DST: variants seen among roughly 807,000 people sequenced by gnomAD.
DST encodes the protein bullous pemphigoid antigen.
A neutral mutation model predicts 875.2 loss-of-function variants in DST; 253 were observed. The ratio of observed to expected loss-of-function variants is 0.29; its 90% CI spans 0.26 to 0.32. The LOEUF (loss-of-function observed/expected upper bound fraction) is 0.32. Among genes scored for constraint, DST ranks in the 10% least tolerant of loss-of-function variants. DST has a pLI of 1.00. For missense variants in DST, 8,287 were observed against 9,111.6 expected, an observed-to-expected ratio of 0.91 and a Z score of 3.68; for synonymous variants, 3,124 against 3,197.1, an observed-to-expected ratio of 0.98 and a Z score of 0.77.
chr6:56,639,006 G>T, intron 22 of DST: 1 of 546,502 alleles, frequency 1.8e-6, no homozygotes, highest in Admixed American at 3.1e-5. Context: ...CACAGAGAAG[G>T]TACTTCATAT....
In DST at chr6:56,605,816, T is replaced by G. The variant is rs960686718; in HGVS notation, c.8812A>C (p.Ser2938Arg). Residue 2938 changes from serine (S) to arginine (R), a missense_variant, in exon 40 of 104, where the codon AGT (serine) becomes CGT (arginine). By Grantham distance (110) the Ser-to-Arg change is moderately radical. Coordinates refer to ENST00000680361, the MANE Select transcript of DST (RefSeq NM_001374736.1). Reference sequence around the variant, plus strand: ...ATATTATTATTATCATGTGAAATACTTGCAGGGCCAAAAGTTTTTTCAGAT... The same window carrying G: ...ATATTATTATTATCATGTGAAATACGTGCAGGGCCAAAAGTTTTTTCAGAT... The part of the protein sequence containing the change: ...TESEKTFGPA[S>R]ISHDNNNISS... The G allele has an allele frequency of 1.9e-6, 3 of 1,612,524 alleles. No homozygotes were observed. In the African/African-American group the frequency reaches 4.0e-5, roughly 22 times the overall value.
At chr6:56,717,045 T>C (rs1214737124) in intron 5 of DST, among the ~76,000 whole-genome samples, 1 of 151,870 alleles carries the variant, frequency 6.6e-6, no homozygotes, top group Non-Finnish European at 1.5e-5. Flanking sequence ...TAGCTGGGCG[T>C]GGTAGCAGGC....
chr6:56,932,566 T>A (rs1367450954), intron 2 of DST, among the ~76,000 whole-genome samples: 1 of 152,186 alleles, frequency 6.6e-6, no homozygotes, highest in Non-Finnish European at 1.5e-5. Context: ...GTTCAACTAC[T>A]CTGTATTTTC....
At chr6:56,899,523 A>G (rs1269371542) in intron 3 of DST, among the ~76,000 whole-genome samples, 3 of 152,176 alleles carry the variant, frequency 2.0e-5, no homozygotes, top group African/African-American at 7.2e-5. Context: ...CTGTTTCAAT[A>G]ATTTACAAAG....
chr6:56,709,331 G>A (rs2099353405), intron 5 of DST, among the ~76,000 whole-genome samples: 1 of 152,194 alleles, frequency 6.6e-6, no homozygotes, highest in Non-Finnish European at 1.5e-5. Context: ...TTATTTTGGA[G>A]TGAGAACACA....
intron 4 of DST, among the ~76,000 whole-genome samples, chr6:56,779,139 G>A (rs931792594): frequency 3.9e-5 from 6 of 152,080 alleles, no homozygotes; most frequent in Admixed American, 2.6e-4. Flanking sequence ...GGCCAGTGAT[G>A]ATGAGCATTT....
intron 10 of DST, among the ~76,000 whole-genome samples, chr6:56,661,888 G>A (rs995195818): frequency 3.3e-5 from 5 of 151,782 alleles, no homozygotes; most frequent in Admixed American, 2.6e-4. Flanking sequence ...GCGCCCGGCC[G>A]ACCCTCTAAC....
rs2098506324 is a variant in DST, at chr6:56,607,241, T to G, written c.7387A>C (p.Lys2463Gln). 2 of 1,613,446 alleles carry G rather than the reference T, an allele frequency of 1.2e-6. No homozygotes were observed. Among genetic ancestry groups the G allele is most frequent in the South Asian group, 1.1e-5 (1 of 91,076 alleles). ...AATGATAAGGCTGGGGCTTCACACT[T>G]ATTTCCATTGCTCTCTGGGGTGTGT... ...DTHTPESNGN[K>Q]CEAPALSFSD... The change falls in exon 40 of 104, where the codon AAG (lysine) becomes CAG (glutamine). Residue 2463 changes from lysine to glutamine, a missense_variant. Lys to Gln is a moderately conservative substitution (Grantham distance 53). Transcript: ENST00000680361.
intron 2 of DST, among the ~76,000 whole-genome samples, chr6:56,953,515 C>T (rs1823439416): frequency 6.6e-6 from 1 of 152,210 alleles, no homozygotes; most frequent in South Asian, 2.1e-4. Flanking sequence ...GTGACATCCA[C>T]CCTGTGGCTA....
rs951662301 is a variant in DST, at chr6:56,617,847, T to C, written c.4930-3363A>G. 2.9e-5 allele frequency: 21 copies of C among 720,698 alleles called. No homozygotes were observed. In the East Asian group the frequency reaches 3.2e-4, roughly 11 times the overall value. 44.6% of individuals were successfully genotyped at this position (720,698 alleles called of 1,614,324 possible). A position where few individuals can be genotyped will look rare whatever the true frequency, so the allele number is the denominator to read the frequency against. On this transcript the variant is annotated intron_variant, in intron 36 of 103. Coordinates refer to ENST00000680361, the MANE Select transcript of DST (RefSeq NM_001374736.1). ...TTCAAGTAAGTTACCAGAAAGAGTA[T>C]AGCATTATTTTCCTGTCAGAACTAC...
chr6:56,844,267 C>T (rs1411843088), intron 4 of DST, among the ~76,000 whole-genome samples: 2 of 152,138 alleles, frequency 1.3e-5, no homozygotes, highest in Admixed American at 6.5e-5. Flanking sequence ...CGCGCCTGCG[C>T]CTGAGCTCCC....
intron 78 of DST, among the ~76,000 whole-genome samples, chr6:56,503,614 C>T (rs939449515): frequency 1.3e-5 from 2 of 151,450 alleles, no homozygotes; most frequent in Non-Finnish European, 3.0e-5. Flanking sequence ...CACACACACA[C>T]ACACACACAC....
At chr6:56,559,122 C>G (rs984513203) in intron 58 of DST, among the ~76,000 whole-genome samples, 2 of 152,118 alleles carry the variant, frequency 1.3e-5, no homozygotes, top group South Asian at 2.1e-4. Flanking sequence ...TGAAACCTTA[C>G]CTAATAACAT....
chr6:56,552,586 A>G lies in DST; in HGVS notation c.16206T>C (p.Asp5402=), dbSNP rs765677872. 1.2e-6 allele frequency: 2 copies of G among 1,613,980 alleles called. No individual in the cohort carries two copies. Among genetic ancestry groups the G allele is most frequent in the South Asian group, 2.2e-5 (2 of 91,080 alleles). Residue 5402 remains aspartate (D), a synonymous_variant, in exon 61 of 104, where the codon GAT becomes GAC. Transcript: ENST00000680361. ...CTGGAGCCATGCTATCCAGTTCATC[A>G]TCAAACTCTGCGAACTGAGAAAACA... ...REMFSQFAEF[D]DELDSMAPVG... is the part of the protein sequence containing the mutation.
At chr6:56,826,603 G>A (rs2099780782) in intron 4 of DST, among the ~76,000 whole-genome samples, 1 of 152,086 alleles carries the variant, frequency 6.6e-6, no homozygotes, top group South Asian at 2.1e-4. Context: ...ACATAATCAT[G>A]TGCCTTTTAA....
chr6:56,617,219 C>CT, intron 36 of DST: 1 of 1,600,640 alleles, frequency 6.2e-7, no homozygotes, highest in Non-Finnish European at 8.5e-7. Context: ...TTCATCATCC[C>CT]TGACTGAACA....
rs1485123568 is a variant in DST at position 56,609,352 on chromosome 6, G to A, written c.5284-8C>T. ...TGCAATCACTTTATCCAGCTGAAAG[G>A]AAAATGCAAAAATCTCAGGTCACTC... On this transcript the variant is annotated splice_polypyrimidine_tract_variant and splice_region_variant and intron_variant, in intron 39 of 103. Coordinates refer to ENST00000680361, the MANE Select transcript of DST (RefSeq NM_001374736.1). 6.3e-6 allele frequency: 10 copies of A among 1,574,912 alleles called. No individual in the cohort carries two copies. The Admixed American group carries it at 9.3e-5, about 15-fold the overall frequency.
intron 86 of DST, among the ~76,000 whole-genome samples, chr6:56,489,165 C>T (rs552952301): frequency 3.3e-5 from 5 of 152,272 alleles, no homozygotes; most frequent in Middle Eastern, 3.4e-3. Context: ...CAGGAAAAGA[C>T]AGCTATCATG....
intron 9 of DST, among the ~76,000 whole-genome samples, chr6:56,694,867 CT>C (rs1212639167): frequency 6.6e-6 from 1 of 152,142 alleles, no homozygotes; most frequent in Non-Finnish European, 1.5e-5. Context: ...CAGTTCATGC[CT>C]GTAATCCCAG....
Sources: gnomAD v4.1 joint callset for allele counts (sites outside exome capture counted in the v4.1 genomes callset) on GRCh38, gnomAD v4.1.1 for gene constraint, MANE v1.5 for transcripts, NCBI Gene and HGNC (gene_info 2026-07-23, HGNC 2026-07-21) for gene names.